Variants in PCDHGA6 observed in about 807,000 individuals in gnomAD.
PCDHGA6 encodes the protein protocadherin gamma-A6.
In PCDHGA6, 41 loss-of-function variants were observed where a neutral mutation model predicts 60.6. The observed-to-expected ratio is 0.68, with a 90% CI of 0.53 to 0.88. PCDHGA6 has a LOEUF of 0.88. Ranked by LOEUF, PCDHGA6 falls within the 40% of genes least tolerant of loss-of-function variation. PCDHGA6 has a pLI of 0.00. For synonymous variants in PCDHGA6, 594 were observed against 524.4 expected (o/e 1.13, Z -1.81); for missense variants, 1,312 against 1,203.0 (o/e 1.09, Z -1.34).
intron 1 of PCDHGA6, chr5:141,383,586 G>A (rs1483422462): frequency 6.2e-7 from 1 of 1,613,654 alleles, no homozygotes; most frequent in Admixed American, 1.7e-5. Flanking sequence ...CCCACATCCA[G>A]GTGACAGTGG....
intron 1 of PCDHGA6, chr5:141,378,252 C>A (rs939045432): frequency 6.6e-6 from 1 of 152,178 alleles, no homozygotes; most frequent in Admixed American, 6.5e-5. Context: ...TGGCCGGGTG[C>A]GGTGGCTCAT....
intron 1 of PCDHGA6, chr5:141,479,494 G>C (rs747201739): frequency 2.6e-5 from 4 of 152,256 alleles, no homozygotes; most frequent in Non-Finnish European, 5.9e-5. Flanking sequence ...CCATCAGGTT[G>C]CCTAAAGAGG....
At position 141,489,577 on chromosome 5, in the gene PCDHGA6, C is replaced by A. The variant is rs918238376; in HGVS notation, c.2425-5230C>A. The stretch of plus-strand genomic sequence containing the variant: ...GCCAGTGCAGGTGGTGACTGAACAC[C>A]CCCTGGAGCTAATCCGTGTAGAGGT... On this transcript the variant is annotated intron_variant, in intron 1 of 3. Coordinates refer to ENST00000517434, the MANE Select transcript of PCDHGA6 (RefSeq NM_018919.3). This position sits in a 1 kb window ranked among gnomAD's most constrained non-coding sequence, Gnocchi z 4.5. The A allele has an allele frequency of 6.2e-7, 1 of 1,613,894 alleles. No individual in the cohort carries two copies. The highest frequency in any genetic ancestry group is 8.5e-7 in the Non-Finnish European group (1 of 1,180,000).
At chr5:141,404,560 C>T (rs2094540099) in intron 1 of PCDHGA6, 37 of 1,613,460 alleles carry the variant, frequency 2.3e-5, no homozygotes, top group Non-Finnish European at 3.1e-5. Flanking sequence ...CGGCAAGTGA[C>T]AGTGGAAGCC....
Position 141,485,792 on chromosome 5 carries a change from G to T in PCDHGA6, c.2425-9015G>T, listed in dbSNP as rs114766079. 6.2e-6 allele frequency: 10 copies of T among 1,614,118 alleles called. No individual in the cohort carries two copies. In the Admixed American group the frequency reaches 1.3e-4, roughly 22 times the overall value. ...GCCTTTGGATCGAGAGAAGCAATCG[G>T]ACTACCGCCTGGTGCTGACTGCTGT... On this transcript the variant is annotated intron_variant, in intron 1 of 3. Transcript: ENST00000517434. This position sits in a 1 kb window ranked among gnomAD's most constrained non-coding sequence, Gnocchi z 5.7.
At position 141,432,644 on chromosome 5, in the gene PCDHGA6, G is replaced by A; in HGVS notation, c.2424+56137G>A. The A allele has an allele frequency of 1.2e-6, 2 of 1,613,812 alleles. No homozygotes were observed. The highest frequency in any genetic ancestry group is 1.7e-6 in the Non-Finnish European group (2 of 1,179,942). ...TCTGCACACGGGCGAGGTGCGCACG[G>A]CGCGAGCCCTGCTGGACAGAGACGC... On this transcript the variant is annotated intron_variant, in intron 1 of 3. Coordinates refer to ENST00000517434, the MANE Select transcript of PCDHGA6 (RefSeq NM_018919.3). The surrounding 1 kb of genome is among the most constrained non-coding windows in gnomAD (Gnocchi z 6.0).
intron 1 of PCDHGA6, among the ~76,000 whole-genome samples, chr5:141,456,584 A>G (rs990911693): frequency 6.6e-6 from 1 of 152,212 alleles, no homozygotes; most frequent in Non-Finnish European, 1.5e-5. Flanking sequence ...TGAGCCTGTC[A>G]ATAATTTTGA....
intron 1 of PCDHGA6, chr5:141,417,999 TG>T: frequency 6.2e-7 from 1 of 1,613,838 alleles, no homozygotes; most frequent in Non-Finnish European, 8.5e-7. Context: ...GGCTCGGTGG[TG>T]GGGAACCTCG....
chr5:141,480,381 C>T (rs1018981416), intron 1 of PCDHGA6, among the ~76,000 whole-genome samples: 2 of 151,926 alleles, frequency 1.3e-5, no homozygotes, highest in Non-Finnish European at 2.9e-5. Context: ...CACCACTACA[C>T]TTCAACCATG....
At position 141,384,825 on chromosome 5, in the gene PCDHGA6, C is replaced by T. The variant is rs570988671; in HGVS notation, c.2424+8318C>T. On this transcript the variant is annotated intron_variant, in intron 1 of 3. Transcript: ENST00000517434. ...ACAGAGATGCCCTCAAGCAGAGCCT[C>T]GTGGTGGCCGTCCAGGACCACGGTC... The T allele has an allele frequency of 5.0e-6, 8 of 1,613,474 alleles. No homozygotes were observed. The African/African-American group carries it at 9.3e-5, about 19-fold the overall frequency.
At chr5:141,390,150 C>T (rs768850867) in intron 1 of PCDHGA6, 1 of 1,613,916 alleles carries the variant, frequency 6.2e-7, no homozygotes, top group African/African-American at 1.3e-5. Flanking sequence ...ATGTGTTGCA[C>T]ATACAGGAAA....
chr5:141,389,424 G>A lies in PCDHGA6; in HGVS notation c.2424+12917G>A, dbSNP rs746873845. 51 of 1,613,390 alleles carry A rather than the reference G, an allele frequency of 3.2e-5. No homozygotes were observed. Among genetic ancestry groups the A allele is most frequent in the East Asian group, 8.9e-5 (4 of 44,896 alleles). The stretch of plus-strand genomic sequence containing the variant: ...AAGCGCGGAGAGCGGGGTGGTGTTC[G>A]CGCAGCGCGCCTTCGACCACGAGCA... On this transcript the variant is annotated intron_variant, in intron 1 of 3. Transcript: ENST00000517434.
In PCDHGA6 at chr5:141,491,283, C is replaced by G; in HGVS notation, c.2425-3524C>G. ...AAATGCCCAAATCCAGTGACTTCCT[C>G]ATACACCCTCCTGAGCGTTCAGACC... On this transcript the variant is annotated intron_variant, in intron 1 of 3. Coordinates refer to ENST00000517434, the MANE Select transcript of PCDHGA6 (RefSeq NM_018919.3). The surrounding 1 kb of genome is among the most constrained non-coding windows in gnomAD (Gnocchi z 6.9). The G allele has an allele frequency of 1.2e-6, 2 of 1,614,164 alleles. No homozygotes were observed.
In PCDHGA6 at chr5:141,407,146, T is replaced by C. The variant is rs142297912; in HGVS notation, c.2424+30639T>C. On this transcript the variant is annotated intron_variant, in intron 1 of 3. Transcript: ENST00000517434. ...TGCTTTATTTTTAAGAAAAAAAAGC[T>C]GAAGTGTCTGGGAATCCTTTATGAC... 2.0e-5 allele frequency among the ~76,000 whole-genome samples: 3 copies of C among 152,354 alleles called. No individual in the cohort carries two copies. The East Asian group carries it at 5.8e-4, about 29-fold the overall frequency.
chr5:141,409,087 T>C (rs753624565), intron 1 of PCDHGA6: 1 of 1,613,990 alleles, frequency 6.2e-7, no homozygotes, highest in Admixed American at 1.7e-5. Flanking sequence ...TCTCATTGGA[T>C]GAGAAAACAG....
intron 1 of PCDHGA6, chr5:141,409,680 C>T (rs756713114): frequency 1.9e-6 from 3 of 1,613,242 alleles, no homozygotes; most frequent in African/African-American, 1.3e-5. Context: ...TCTATAGTGG[C>T]GAGTGACCTA....
chr5:141,490,482 G>A lies in PCDHGA6; in HGVS notation c.2425-4325G>A. On this transcript the variant is annotated intron_variant, in intron 1 of 3. Coordinates refer to ENST00000517434, the MANE Select transcript of PCDHGA6 (RefSeq NM_018919.3). The surrounding 1 kb of genome is among the most constrained non-coding windows in gnomAD (Gnocchi z 5.4). ...TGCTAACCAGCCAGCCTTTGGACCG[G>A]GAGGCCACATCCCACTATATCATCG... 2.5e-6 allele frequency: 4 copies of A among 1,614,154 alleles called. No homozygotes were observed. In the South Asian group the frequency reaches 4.4e-5, roughly 18 times the overall value.
chr5:141,374,164 G>A lies in PCDHGA6; in HGVS notation c.81G>A (p.Ala27=). The A allele has an allele frequency of 6.2e-7, 1 of 1,612,952 alleles. No individual in the cohort carries two copies. Among genetic ancestry groups the A allele is most frequent in the East Asian group, 2.2e-5 (1 of 44,862 alleles). The change falls in exon 1 of 4, where the codon GCG becomes GCA. Residue 27 remains alanine (A), a synonymous_variant. Transcript: ENST00000517434. ...LTLLGTLWGA[A]AAQIRYSIPE... ...TCCTGGGGACGCTGTGGGGGGCCGC[G>A]GCAGCGCAGATCCGCTACTCTATTC...
chr5:141,399,658 T>G (rs766038311), intron 1 of PCDHGA6: 22 of 1,613,572 alleles, frequency 1.4e-5, no homozygotes, highest in South Asian at 4.4e-5. Flanking sequence ...TGGGGTGGTG[T>G]TCGCGCAGCG....
Sources: allele counts gnomAD v4.1 joint callset (sites outside exome capture counted in the v4.1 genomes callset), GRCh38; gene constraint gnomAD v4.1.1; non-coding constraint Gnocchi (gnomAD v3.1); transcripts MANE v1.5; gene names NCBI Gene and HGNC (gene_info 2026-07-23, HGNC 2026-07-21).